Variants in DCBLD2 observed in about 807,000 individuals in gnomAD.
The protein encoded by DCBLD2 is discoidin, CUB and LCCL domain containing 2.
A neutral mutation model predicts 86.8 loss-of-function variants in DCBLD2; 54 were observed. The observed-to-expected ratio is 0.62, with a 90% CI of 0.50 to 0.78. The LOEUF (loss-of-function observed/expected upper bound fraction) is 0.78. Ranked by LOEUF, DCBLD2 falls within the 30% of genes least tolerant of loss-of-function variation. The probability of loss-of-function intolerance (pLI) is 0.00; values close to 1 mark genes in which losing one functional copy is unlikely to be tolerated. For missense variants in DCBLD2, 908 were observed against 954.2 expected, an observed-to-expected ratio of 0.95 and a Z score of 0.64; for synonymous variants, 354 against 341.3, an observed-to-expected ratio of 1.04 and a Z score of -0.41.
intron 9 of DCBLD2, chr3:98,814,797 T>G (rs551171285): frequency 8.5e-5 from 13 of 152,206 alleles, no homozygotes; most frequent in Non-Finnish European, 8.8e-5. Flanking sequence ...ATGTGAAGAT[T>G]TGCATTTCTG....
chr3:98,820,056 T>C (rs915399159), intron 7 of DCBLD2, among the ~76,000 whole-genome samples, 192 bp downstream of exon 7: 12 of 152,232 alleles, frequency 7.9e-5, no homozygotes, highest in Admixed American at 3.9e-4. Flanking sequence ...CTTGCTTACA[T>C]GACCATTTCT....
chr3:98,881,638 C>G lies in DCBLD2; in HGVS notation c.335G>C (p.Arg112Pro), dbSNP rs750395871. 6.2e-7 allele frequency: 1 copy of G among 1,613,882 alleles called. No individual in the cohort carries two copies. Among genetic ancestry groups the G allele is most frequent in the Non-Finnish European group, 8.5e-7 (1 of 1,179,866 alleles). Reference protein sequence around the residue: ...EIRVKMGERVRIKFGDFDIED... With the variant: ...EIRVKMGERVPIKFGDFDIED... ...AATGTCAAAGTCACCAAATTTGATG[C>G]GAACTCTCTCTCCCATCTTTACACG... is the stretch of plus-strand genomic sequence containing the variant. The change falls in exon 2 of 16, where the codon CGC becomes CCC. Residue 112 changes from arginine to proline, a missense_variant. Arg to Pro is a moderately radical substitution (Grantham distance 103, BLOSUM62 -2). This residue lies in a region of DCBLD2 where 294 missense variants were observed against 256.0 expected (regional missense o/e 1.15). Transcript: ENST00000326840.
At chr3:98,848,463 T>C (rs1450406999) in intron 3 of DCBLD2, among the ~76,000 whole-genome samples, 3 of 152,244 alleles carry the variant, frequency 2.0e-5, no homozygotes, top group Non-Finnish European at 2.9e-5. Context: ...CAGAATAATT[T>C]ATATTCCTTT....
At chr3:98,889,601 T>C (rs9289683) in intron 1 of DCBLD2, among the ~76,000 whole-genome samples, 65,792 of 151,826 alleles carry the variant, frequency 0.43, 14,434 homozygotes, top group African/African-American at 0.46. Flanking sequence ...CACATAATTT[T>C]TCTATAGTTG....
intron 4 of DCBLD2, among the ~76,000 whole-genome samples, chr3:98,823,584 A>T (rs1423714866): frequency 6.6e-6 from 1 of 152,246 alleles, no homozygotes; most frequent in Non-Finnish European, 1.5e-5. Flanking sequence ...TTTATATTCC[A>T]GTGGTAGAAG....
At chr3:98,821,689 C>CAAAATGACTCTTCCAA in intron 6 of DCBLD2, among the ~76,000 whole-genome samples, 1 of 152,120 alleles carries the variant, frequency 6.6e-6, no homozygotes, top group African/African-American at 2.4e-5. Context: ...ATTACTCTTC[C>CAAAATGACTCTTCCAA]AAATGACTAC....
chr3:98,896,412 C>T (rs951450479), intron 1 of DCBLD2, among the ~76,000 whole-genome samples: 1 of 152,124 alleles, frequency 6.6e-6, no homozygotes. Flanking sequence ...CAGCTCTGAA[C>T]AATACAGTAA....
At position 98,839,128 on chromosome 3, in the gene DCBLD2, TTTCC is replaced by T. The variant is rs201694422; in HGVS notation, c.571+10329_571+10332del. The stretch of plus-strand genomic sequence containing the variant: ...TTCTTTCTTTCTTTCTTTTTCTTTC[TTTCC>T]TTCCTTCCTTCCTTCTTTCTTTCTT... On this transcript the variant is annotated intron_variant, in intron 3 of 15. Transcript: ENST00000326840. Among the ~76,000 whole-genome samples the T allele has an allele frequency of 7.3e-3, 666 of 91,806 alleles. 14 individuals carry two copies. Among genetic ancestry groups the T allele is most frequent in the African/African-American group, 0.022 (446 of 20,440 alleles). 60.2% of individuals were successfully genotyped at this position (91,806 alleles called of 152,430 possible).
At chr3:98,894,637 T>C (rs1479078522) in intron 1 of DCBLD2, among the ~76,000 whole-genome samples, 1 of 152,096 alleles carries the variant, frequency 6.6e-6, no homozygotes, top group Non-Finnish European at 1.5e-5. Context: ...GGAAGACTGT[T>C]AGGCTCTGAG....
chr3:98,885,002 C>T (rs1434711629), intron 1 of DCBLD2, among the ~76,000 whole-genome samples: 1 of 152,058 alleles, frequency 6.6e-6, no homozygotes, highest in Non-Finnish European at 1.5e-5. Flanking sequence ...CATTTACTGC[C>T]CTTTCCAACA....
At chr3:98,838,820 G>A (rs975915305) in intron 3 of DCBLD2, among the ~76,000 whole-genome samples, 32 of 152,144 alleles carry the variant, frequency 2.1e-4, no homozygotes, top group African/African-American at 6.8e-4. Context: ...TGAGGTTGGC[G>A]GATCACTCGC....
chr3:98,868,892 C>T (rs1220765556), intron 2 of DCBLD2, among the ~76,000 whole-genome samples: 1 of 152,012 alleles, frequency 6.6e-6, no homozygotes, highest in East Asian at 1.9e-4. Context: ...AGGTTGATTC[C>T]GTATCTTTTC....
intron 2 of DCBLD2, among the ~76,000 whole-genome samples, chr3:98,874,094 G>A (rs1326634972): frequency 2.0e-5 from 3 of 152,136 alleles, no homozygotes; most frequent in African/African-American, 4.8e-5. Flanking sequence ...AACAGAGAAC[G>A]TCATTAAGGA....
At chr3:98,887,765 G>A (rs1943587366) in intron 1 of DCBLD2, among the ~76,000 whole-genome samples, 3 of 151,928 alleles carry the variant, frequency 2.0e-5, no homozygotes, top group Admixed American at 1.3e-4. Context: ...CACTTGCATA[G>A]CCTCCTTCAT....
chr3:98,898,762 C>A (rs540976605), intron 1 of DCBLD2, among the ~76,000 whole-genome samples: 1 of 152,078 alleles, frequency 6.6e-6, no homozygotes, highest in African/African-American at 2.4e-5. Context: ...AATTCCACCA[C>A]GGGCTGCTTT....
At chr3:98,901,095 G>A (rs1436578514) in intron 1 of DCBLD2, 27 bp downstream of exon 1, 28 of 1,538,160 alleles carry the variant, frequency 1.8e-5, no homozygotes, top group Admixed American at 3.9e-5. Context: ...AGGTTCCCCC[G>A]CCGCTCACTC....
At chr3:98,861,506 C>G (rs1362513921) in intron 2 of DCBLD2, among the ~76,000 whole-genome samples, 2 of 152,126 alleles carry the variant, frequency 1.3e-5, no homozygotes, top group African/African-American at 4.8e-5. Context: ...TGTAAAAGAA[C>G]AGAAATCATA....
At chr3:98,822,429 A>G in intron 5 of DCBLD2, 68 bp from the exon 6 acceptor site, 1 of 1,523,748 alleles carries the variant, frequency 6.6e-7, no homozygotes, top group Non-Finnish European at 8.8e-7. Flanking sequence ...AAGACACTCT[A>G]CTTCCTGAGA....
intron 3 of DCBLD2, 77 bp from the exon 4 acceptor site, chr3:98,825,443 C>G: frequency 8.7e-7 from 1 of 1,145,708 alleles, no homozygotes; most frequent in Non-Finnish European, 1.2e-6. Flanking sequence ...GTCTCAGAAT[C>G]CCAAACTGTA....
Sources: gnomAD v4.1 joint callset for allele counts (sites outside exome capture counted in the v4.1 genomes callset) on GRCh38, gnomAD v4.1.1 for gene constraint, gnomAD v4.1.1 regional missense constraint, MANE v1.5 for transcripts, NCBI Gene and HGNC (gene_info 2026-07-23, HGNC 2026-07-21) for gene names.